Variants in UBAP2L observed in about 807,000 individuals in gnomAD.
UBAP2L encodes ubiquitin associated protein 2 like.
A neutral mutation model predicts 130.6 loss-of-function variants in UBAP2L; 12 were observed. The observed-to-expected ratio is 0.09, with a 90% CI of 0.06 to 0.15. The LOEUF (loss-of-function observed/expected upper bound fraction) is 0.15. UBAP2L is among the 10% of genes least tolerant of loss of function. The pLI is 1.00. For synonymous variants in UBAP2L, 503 were observed against 524.7 expected (o/e 0.96, Z 0.57); for missense variants, 965 against 1,332.5 (o/e 0.72, Z 4.29).
At chr1:154,260,422 C>G (rs1681164785) in intron 22 of UBAP2L, among the ~76,000 whole-genome samples, 1 of 152,248 alleles carries the variant, frequency 6.6e-6, no homozygotes, top group South Asian at 2.1e-4. Context: ...GTGGTCTTCT[C>G]TGCTCATCTC....
rs1246863256 is a variant in UBAP2L, at chr1:154,234,809, C to T, written c.448+50C>T. On this transcript the variant is annotated intron_variant, in intron 5 of 26. Transcript: ENST00000428931. Reference sequence around the variant, plus strand: ...CAGCTGTGGGTCAGTAATGTCTAGACTCTAGGGATGTGCCAGGGCCCTGCT... The same window carrying T: ...CAGCTGTGGGTCAGTAATGTCTAGATTCTAGGGATGTGCCAGGGCCCTGCT... 1.9e-6 allele frequency: 3 copies of T among 1,552,264 alleles called. No individual in the cohort carries two copies. In the South Asian group the frequency reaches 3.6e-5, roughly 18 times the overall value.
Position 154,251,603 on chromosome 1 carries a change from G to A in UBAP2L, c.1614G>A (p.Thr538=), listed in dbSNP as rs1205610242. 5.0e-6 allele frequency: 8 copies of A among 1,613,880 alleles called. No homozygotes were observed. The highest frequency in any genetic ancestry group is 1.6e-4 in the Middle Eastern group (1 of 6,080). ...CTGATTATGAGTCCACCCCCACCACGAGCGCCTCTTCAAGCCAGGCTCCAA... is the reference window on the plus strand; with the variant it reads ...CTGATTATGAGTCCACCCCCACCACAAGCGCCTCTTCAAGCCAGGCTCCAA... ...VLSDYESTPT[T]SASSSQAPSS... is the part of the protein sequence containing the mutation. The change falls in exon 14 of 27, where the codon ACG becomes ACA. Residue 538 remains threonine, a synonymous_variant. Coordinates refer to ENST00000428931, the MANE Select transcript of UBAP2L (RefSeq NM_014847.4).
intron 10 of UBAP2L, among the ~76,000 whole-genome samples, 184 bp from the exon 11 acceptor site, chr1:154,246,020 T>C (rs1675358138): frequency 6.6e-6 from 1 of 152,246 alleles, no homozygotes; most frequent in African/African-American, 2.4e-5. Context: ...TTCAGCTATA[T>C]ACTGTAGTGA....
chr1:154,263,288 T>C (rs1449013009), intron 24 of UBAP2L: 4 of 1,482,958 alleles, frequency 2.7e-6, no homozygotes, highest in Non-Finnish European at 3.6e-6. Flanking sequence ...AATGAGTTGG[T>C]GGATACCTTC....
At chr1:154,235,314 GA>G in intron 6 of UBAP2L, 23 bp downstream of exon 6, 1 of 740,972 alleles carries the variant, frequency 1.3e-6, no homozygotes, top group East Asian at 2.5e-5. Flanking sequence ...TTGGGGGATG[GA>G]TATTGGGGGC....
At chr1:154,250,255 A>G (rs1677076716) in intron 12 of UBAP2L, among the ~76,000 whole-genome samples, 1 of 151,958 alleles carries the variant, frequency 6.6e-6, no homozygotes, top group Non-Finnish European at 1.5e-5. Flanking sequence ...ATGGGTTTTC[A>G]CCGTGTTGCC....
downstream of UBAP2L, chr1:154,270,916 A>G (rs1193336657): frequency 6.5e-6 from 10 of 1,550,316 alleles, no homozygotes; most frequent in Admixed American, 5.9e-5. Context: ...AGCTTGGTGA[A>G]TAAGTATTAC....
At chr1:154,249,019 G>A (rs1172653720) in intron 11 of UBAP2L, among the ~76,000 whole-genome samples, 1 of 152,140 alleles carries the variant, frequency 6.6e-6, no homozygotes, top group Non-Finnish European at 1.5e-5. Context: ...AGGAAAGAGA[G>A]ATTAAAAAAT....
At chr1:154,235,999 G>A (rs2148648097) in intron 6 of UBAP2L, among the ~76,000 whole-genome samples, 1 of 152,304 alleles carries the variant, frequency 6.6e-6, no homozygotes, top group Non-Finnish European at 1.5e-5. Flanking sequence ...GGGAGAGTGA[G>A]AAAGAAGGTA....
At chr1:154,245,699 AG>A (rs1675217775) in intron 10 of UBAP2L, among the ~76,000 whole-genome samples, 1 of 152,076 alleles carries the variant, frequency 6.6e-6, no homozygotes, top group African/African-American at 2.4e-5. Flanking sequence ...GCGGATCATG[AG>A]GTCAGGAGAT....
intron 2 of UBAP2L, among the ~76,000 whole-genome samples, chr1:154,226,844 G>T (rs562054552): frequency 6.6e-6 from 1 of 151,512 alleles, no homozygotes; most frequent in Non-Finnish European, 1.5e-5. Context: ...TTTTTTTGAG[G>T]TGGAGTCTTG....
chr1:154,248,687 G>T (rs1322649827), intron 11 of UBAP2L, among the ~76,000 whole-genome samples: 2 of 152,062 alleles, frequency 1.3e-5, no homozygotes, highest in African/African-American at 2.4e-5. Flanking sequence ...GTGGTGGCGG[G>T]TGCCTGTAGT....
In UBAP2L at chr1:154,237,063, T is replaced by G. The variant is rs1466000460; in HGVS notation, c.630T>G (p.Thr210=). 6.2e-7 allele frequency: 1 copy of G among 1,614,102 alleles called. No homozygotes were observed. The highest frequency in any genetic ancestry group is 1.3e-5 in the African/African-American group (1 of 74,934). The change falls in exon 8 of 27, where the codon ACT becomes ACG. Residue 210 remains threonine (T), a synonymous_variant. Transcript: ENST00000428931. ...CTGATTATGCAGAGCCAGCCAATAC[T>G]GATGATAACTATGGCAATAGCAGCG... The part of the protein sequence containing the change: ...NPADYAEPAN[T]DDNYGNSSGN...
chr1:154,260,862 G>A lies in UBAP2L; in HGVS notation c.2579-30G>A, dbSNP rs755921397. On this transcript the variant is annotated intron_variant, in intron 22 of 26. Transcript: ENST00000428931. ...TCTGTATTGGTATTGGGGTGAAAGA[G>A]GCAGGTACATTTAGCTTCTCCTGTC... 3.1e-5 allele frequency: 50 copies of A among 1,607,092 alleles called. No individual in the cohort carries two copies. In the South Asian group the frequency reaches 5.5e-4, roughly 18 times the overall value.
At chr1:154,234,511 A>AT in intron 4 of UBAP2L, 80 bp from the exon 5 acceptor site, 1 of 1,493,468 alleles carries the variant, frequency 6.7e-7, no homozygotes, top group South Asian at 1.2e-5. Context: ...GGTTAAGTCA[A>AT]TCAGTCATCC....
chr1:154,220,513 G>T, upstream of UBAP2L: 1 of 1,290,998 alleles, frequency 7.7e-7, no homozygotes, highest in Non-Finnish European at 1.1e-6. Context: ...GAGCTCCCCG[G>T]CCATTTCCTT....
intron 1 of UBAP2L, among the ~76,000 whole-genome samples, chr1:154,223,729 A>ACG (rs1302547105): frequency 6.6e-6 from 1 of 152,170 alleles, no homozygotes; most frequent in East Asian, 1.9e-4. Context: ...CAACCTATTG[A>ACG]CGCAACTTGG....
chr1:154,224,693 TC>T (rs1297455699), intron 1 of UBAP2L, among the ~76,000 whole-genome samples: 1 of 152,228 alleles, frequency 6.6e-6, no homozygotes, highest in African/African-American at 2.4e-5. Flanking sequence ...TGTAGACTAA[TC>T]TCCTTCCTGG....
intron 8 of UBAP2L, among the ~76,000 whole-genome samples, chr1:154,238,596 C>T (rs1458403978): frequency 1.3e-5 from 2 of 152,140 alleles, no homozygotes. Flanking sequence ...GTGTTAATTT[C>T]TACTGAGTAG....
Sources: gnomAD v4.1 joint callset for allele counts (sites outside exome capture counted in the v4.1 genomes callset) on GRCh38, gnomAD v4.1.1 for gene constraint, MANE v1.5 for transcripts, NCBI Gene and HGNC (gene_info 2026-07-23, HGNC 2026-07-21) for gene names.